Variants in POLR3E observed in about 807,000 individuals in gnomAD.
POLR3E encodes the protein RNA polymerase III subunit E, also known as DNA-directed RNA polymerase III subunit RPC5.
A neutral mutation model predicts 96.6 loss-of-function variants in POLR3E; 41 were observed. That is an observed-to-expected ratio of 0.42 (90% confidence interval 0.33 to 0.55). The LOEUF (loss-of-function observed/expected upper bound fraction) is 0.55. Among genes scored for constraint, POLR3E ranks in the 20% least tolerant of loss-of-function variants. The pLI is 0.06. For missense variants in POLR3E, 849 were observed against 952.1 expected (o/e 0.89, Z 1.43); for synonymous variants, 396 against 383.6 (o/e 1.03, Z -0.38).
Position 22,329,467 on chromosome 16 carries a change from G to A in POLR3E, c.1944+880G>A, listed in dbSNP as rs536714156. On this transcript the variant is annotated intron_variant, in intron 19 of 20. Coordinates refer to ENST00000299853, the MANE Select transcript of POLR3E (RefSeq NM_018119.4). ...ACGTACCTAATTTGATGGTCGAAAC[G>A]CCAGTCGGTCTGACCGTGTCTAGGC... Among the ~76,000 whole-genome samples the A allele has an allele frequency of 4.2e-4, 64 of 152,162 alleles. 1 individual carries two copies. The highest frequency in any genetic ancestry group is 7.4e-4 in the Non-Finnish European group (50 of 68,008).
intron 6 of POLR3E, among the ~76,000 whole-genome samples, chr16:22,311,557 A>G (rs1393196579): frequency 6.6e-6 from 1 of 151,236 alleles, no homozygotes; most frequent in East Asian, 1.9e-4. Flanking sequence ...TACAGTGGTG[A>G]TCATAGCTCA....
chr16:22,316,138 G>C (rs1423514065), intron 9 of POLR3E, among the ~76,000 whole-genome samples: 1 of 152,112 alleles, frequency 6.6e-6, no homozygotes, highest in South Asian at 2.1e-4. Flanking sequence ...TTAGACTCGG[G>C]GTCAAACTTC....
chr16:22,328,406 C>T (rs1368898047), intron 18 of POLR3E, 104 bp from the exon 19 acceptor site: 1 of 945,856 alleles, frequency 1.1e-6, no homozygotes, highest in East Asian at 2.5e-5. Context: ...GGATTGGAAC[C>T]CATGTTCCTG....
At chr16:22,330,744 TTGTC>T (rs993504940) in intron 19 of POLR3E, among the ~76,000 whole-genome samples, 2 of 152,128 alleles carry the variant, frequency 1.3e-5, no homozygotes, top group Admixed American at 6.6e-5. Context: ...GTATTACTGT[TTGTC>T]TGGGACTAGA....
At chr16:22,309,583 G>A in intron 6 of POLR3E, 73 bp downstream of exon 6, 1 of 1,071,824 alleles carries the variant, frequency 9.3e-7, no homozygotes. Context: ...TACCTCCCCA[G>A]CCTGGTGTCC....
intron 17 of POLR3E, 86 bp downstream of exon 17, chr16:22,325,352 G>T: frequency 9.2e-7 from 1 of 1,081,634 alleles, no homozygotes; most frequent in South Asian, 1.3e-5. Flanking sequence ...GTCAGGCCCG[G>T]ACCTGGAGAG....
At chr16:22,320,659 ATTTC>A (rs917773570) in intron 13 of POLR3E, among the ~76,000 whole-genome samples, 34 of 152,094 alleles carry the variant, frequency 2.2e-4, no homozygotes, top group African/African-American at 8.2e-4. Flanking sequence ...TTTAGTCATC[ATTTC>A]TTTCTGCATC....
intron 16 of POLR3E, 88 bp downstream of exon 16, chr16:22,324,748 C>T (rs1050794579): frequency 7.1e-7 from 1 of 1,410,288 alleles, no homozygotes; most frequent in South Asian, 1.2e-5. Flanking sequence ...TCCGAGCAAT[C>T]TCTAGAAACC....
chr16:22,305,048 T>C, intron 2 of POLR3E, 108 bp from the exon 3 acceptor site: 1 of 838,730 alleles, frequency 1.2e-6, no homozygotes, highest in Non-Finnish European at 2.1e-6. Flanking sequence ...TTCCCCAAAC[T>C]GCTTCCCTGA....
At chr16:22,303,057 G>A in intron 2 of POLR3E, 53 bp downstream of exon 2, 2 of 1,537,260 alleles carry the variant, frequency 1.3e-6, no homozygotes, top group Non-Finnish European at 1.8e-6. Flanking sequence ...GTGGAATTGG[G>A]TCCTTTCCAT....
At chr16:22,329,139 A>G (rs1268252235) in intron 19 of POLR3E, 2 of 157,798 alleles carry the variant, frequency 1.3e-5, no homozygotes, top group African/African-American at 4.8e-5. Flanking sequence ...GGTATGCGGT[A>G]CTGTCCTAGG....
intron 13 of POLR3E, among the ~76,000 whole-genome samples, chr16:22,320,663 C>T (rs2048455982): frequency 6.6e-6 from 1 of 152,140 alleles, no homozygotes; most frequent in Non-Finnish European, 1.5e-5. Context: ...GTCATCATTT[C>T]TTTCTGCATC....
At chr16:22,298,064 C>T (rs2047933465) in intron 1 of POLR3E, among the ~76,000 whole-genome samples, 2 of 152,256 alleles carry the variant, frequency 1.3e-5, no homozygotes, top group Non-Finnish European at 2.9e-5. Flanking sequence ...ATTCCTCATT[C>T]ATTTATTCAG....
chr16:22,310,510 C>T (rs1471297485), intron 6 of POLR3E, among the ~76,000 whole-genome samples: 3 of 151,890 alleles, frequency 2.0e-5, no homozygotes, highest in African/African-American at 7.3e-5. Context: ...TGATATCAAA[C>T]TCCTGACCTC....
intron 19 of POLR3E, 34 bp from the exon 20 acceptor site, chr16:22,332,024 ACT>A (rs1193542052): frequency 1.2e-6 from 2 of 1,602,604 alleles, no homozygotes; most frequent in Admixed American, 3.4e-5. Context: ...TTTTTAGATC[ACT>A]GTTTCCCATC....
chr16:22,333,145 T>G (rs2048778225), intron 20 of POLR3E, among the ~76,000 whole-genome samples: 2 of 145,966 alleles, frequency 1.4e-5, no homozygotes, highest in Admixed American at 1.4e-4. Flanking sequence ...TGGCCCACCC[T>G]CACTTTTAAA....
chr16:22,302,802 T>A (rs1186793438), intron 1 of POLR3E, 129 bp from the exon 2 acceptor site: 2 of 721,768 alleles, frequency 2.8e-6, no homozygotes, highest in Non-Finnish European at 2.6e-6. Flanking sequence ...GACTTCAATG[T>A]AGATGTAGAA....
Position 22,326,419 on chromosome 16 carries a change from C to T in POLR3E, c.1866+141C>T, listed in dbSNP as rs1417534365. The stretch of plus-strand genomic sequence containing the variant: ...GGGCCTAGGTGTGACATGGGCAAGT[C>T]AGCCTCTCTGAGGCTCTATTCTCAT... On this transcript the variant is annotated intron_variant, in intron 18 of 20. Transcript: ENST00000299853. 4.1e-6 allele frequency: 3 copies of T among 727,986 alleles called. No homozygotes were observed. In the East Asian group the frequency reaches 8.1e-5, roughly 20 times the overall value. The allele number at this position is 727,986 out of a possible 1,614,324, so 45.1% of individuals were successfully genotyped here.
chr16:22,329,263 T>TGTCAGATG (rs2048684443), intron 19 of POLR3E, among the ~76,000 whole-genome samples: 1 of 152,144 alleles, frequency 6.6e-6, no homozygotes, highest in Non-Finnish European at 1.5e-5. Context: ...AAGGATTCCT[T>TGTCAGATG]GTCAGATGTC....
Sources: gnomAD v4.1 joint callset for allele counts (sites outside exome capture counted in the v4.1 genomes callset) on GRCh38, gnomAD v4.1.1 for gene constraint, MANE v1.5 for transcripts, NCBI Gene and HGNC (gene_info 2026-07-23, HGNC 2026-07-21) for gene names.